The following AP5Z1 variants were observed in gnomAD, a reference collection of about 807,000 sequenced individuals.
AP5Z1 encodes AP-5 complex subunit zeta-1.
A neutral mutation model predicts 83.0 loss-of-function variants in AP5Z1; 106 were observed. That is an observed-to-expected ratio of 1.28 (90% CI 1.09 to 1.50). AP5Z1 has a LOEUF of 1.50. Among genes scored for constraint, AP5Z1 ranks in the 40% most tolerant of loss-of-function variants. The pLI is 0.00. For synonymous variants in AP5Z1, 751 were observed against 514.1 expected (o/e 1.46, Z -6.23); for missense variants, 1,565 against 1,094.2 (o/e 1.43, Z -6.07).
chr7:4,778,284 A>T (rs1410951519), intron 1 of AP5Z1, among the ~76,000 whole-genome samples: 1 of 152,202 alleles, frequency 6.6e-6, no homozygotes, highest in Non-Finnish European at 1.5e-5. Context: ...TGTCAGAGAT[A>T]CGGAAAGCAA....
Position 4,775,687 on chromosome 7 carries a change from G to T in AP5Z1, c.-29G>T, listed in dbSNP as rs1287466144. ...GGCTGCAGCTCCTGGAGTTTCCGAG[G>T]TTCGTGCGCGTCTGGTGGCGGCGGC... On this transcript the variant is annotated 5_prime_UTR_variant, in exon 1 of 17. Coordinates refer to ENST00000649063, the MANE Select transcript of AP5Z1 (RefSeq NM_014855.3). 1.2e-6 allele frequency: 2 copies of T among 1,606,486 alleles called. No homozygotes were observed. The highest frequency in any genetic ancestry group is 1.7e-6 in the Non-Finnish European group (2 of 1,179,692).
intron 14 of AP5Z1, 138 bp downstream of exon 14, chr7:4,790,067 C>T (rs1315929073): frequency 8.2e-7 from 1 of 1,223,960 alleles, no homozygotes; most frequent in African/African-American, 1.7e-5. Flanking sequence ...CCCTGCCACC[C>T]CCACCCACAG....
intron 11 of AP5Z1, 101 bp downstream of exon 11, chr7:4,787,877 C>G: frequency 4.4e-6 from 6 of 1,368,206 alleles, no homozygotes; most frequent in Middle Eastern, 2.6e-4. Flanking sequence ...CGGGGACCCT[C>G]CTTCTTCCCC....
chr7:4,790,304 T>TC (rs771771531), intron 14 of AP5Z1, 155 bp from the exon 15 acceptor site: 11 of 1,546,344 alleles, frequency 7.1e-6, no homozygotes, highest in East Asian at 2.4e-5. Flanking sequence ...GAGAACAGTT[T>TC]CTCTGAGGCT....
Position 4,790,531 on chromosome 7 carries a change from G to A in AP5Z1, c.1878G>A (p.Leu626=). 2 of 1,613,124 alleles carry A rather than the reference G, an allele frequency of 1.2e-6. No individual in the cohort carries two copies. The highest frequency in any genetic ancestry group is 1.7e-6 in the Non-Finnish European group (2 of 1,179,790). The change falls in exon 15 of 17, where the codon CTG becomes CTA. Residue 626 remains leucine, a synonymous_variant. Transcript: ENST00000649063. ...PSLVVELARD[L]LEFLGSVNGL... Reference sequence around the variant, plus strand: ...TGGTGGTGGAGCTGGCAAGAGACCTGCTGGAGTTCCTGGGCAGCGTGAATG... The same window carrying A: ...TGGTGGTGGAGCTGGCAAGAGACCTACTGGAGTTCCTGGGCAGCGTGAATG...
intron 15 of AP5Z1, 29 bp downstream of exon 15, chr7:4,790,620 G>C (rs762565838): frequency 1.9e-6 from 3 of 1,612,134 alleles, no homozygotes; most frequent in Non-Finnish European, 1.7e-6. Flanking sequence ...TCCCACAGCC[G>C]CTCCTGACCC....
At chr7:4,788,020 C>A in intron 11 of AP5Z1, 134 bp from the exon 12 acceptor site, 1 of 1,355,826 alleles carries the variant, frequency 7.4e-7, no homozygotes, top group Non-Finnish European at 9.7e-7. Context: ...AGGCCTGGAG[C>A]CTCCCATGCC....
intron 9 of AP5Z1, 100 bp downstream of exon 9, chr7:4,785,784 T>A: frequency 7.5e-7 from 1 of 1,325,134 alleles, no homozygotes. Context: ...TTTTTTTGAT[T>A]GAATAGAGAC....
Position 4,781,216 on chromosome 7 carries a change from T to C in AP5Z1, c.83T>C (p.Ile28Thr), listed in dbSNP as rs747982584. The change falls in exon 2 of 17, where the codon ATC becomes ACC. Residue 28 changes from isoleucine to threonine, a missense_variant. Coordinates refer to ENST00000649063, the MANE Select transcript of AP5Z1 (RefSeq NM_014855.3). Reference protein sequence around the residue: ...DEELKKFCSRICKLLQAEDLG... With the variant: ...DEELKKFCSRTCKLLQAEDLG... Reference sequence around the variant, plus strand: ...GAGCTGAAGAAGTTCTGTTCCCGGATCTGTAAACTGCTGCAGGCGGAGGAC... The same window carrying C: ...GAGCTGAAGAAGTTCTGTTCCCGGACCTGTAAACTGCTGCAGGCGGAGGAC... 3.7e-6 allele frequency: 6 copies of C among 1,613,970 alleles called. No homozygotes were observed. The highest frequency in any genetic ancestry group is 1.1e-5 in the South Asian group (1 of 91,084).
rs1781511966 is a variant in AP5Z1 at position 4,785,462 on chromosome 7, T to C, written c.969+10T>C. The stretch of plus-strand genomic sequence containing the variant: ...CGACCTGCAGAAAGCTGTAAGTGGC[T>C]GGGGACCAGGGGATGGGAGGCAGCG... On this transcript the variant is annotated intron_variant, in intron 8 of 16. Coordinates refer to ENST00000649063, the MANE Select transcript of AP5Z1 (RefSeq NM_014855.3). 2 of 1,613,156 alleles carry C rather than the reference T, an allele frequency of 1.2e-6. No individual in the cohort carries two copies. The highest frequency in any genetic ancestry group is 1.3e-5 in the African/African-American group (1 of 74,932).
intron 1 of AP5Z1, among the ~76,000 whole-genome samples, chr7:4,779,111 A>G (rs900682323): frequency 1.4e-5 from 2 of 146,624 alleles, no homozygotes; most frequent in African/African-American, 5.0e-5. Context: ...TATTATATAC[A>G]TTTTTGAGAT....
chr7:4,786,197 G>A (rs1427046872), intron 9 of AP5Z1, 53 bp from the exon 10 acceptor site: 27 of 1,513,988 alleles, frequency 1.8e-5, no homozygotes, highest in Non-Finnish European at 2.4e-5. Context: ...AGTCACAGAA[G>A]CACGGCCAGG....
rs1421330335 is a variant in AP5Z1 at position 4,788,893 on chromosome 7, C to T, written c.1649C>T (p.Ala550Val). The T allele has an allele frequency of 1.9e-6, 3 of 1,611,036 alleles. No individual in the cohort carries two copies. The East Asian group carries it at 6.7e-5, about 36-fold the overall frequency. The change falls in exon 13 of 17, where the codon GCC (alanine) becomes GTC (valine). Residue 550 changes from alanine (A) to valine (V), a missense_variant. By Grantham distance (64) the Ala-to-Val change is moderately conservative (BLOSUM62 0). Transcript: ENST00000649063. ...CCCATGGCCGGCTGTGCCCGCGTGG[C>T]CCAGTGTGCCCAGGCCGTGCCCACG... ...LQPMAGCARV[A>V]QCAQAVPTLL... is the part of the protein sequence containing the mutation.
In AP5Z1 at chr7:4,790,587, G is replaced by A. The variant is rs1781731076; in HGVS notation, c.1934G>A (p.Ser645Asn). Residue 645 changes from serine (S) to asparagine (N), a missense_variant, in exon 15 of 17, where the codon AGC becomes AAC. By Grantham distance (46) the Ser-to-Asn change is conservative. Coordinates refer to ENST00000649063, the MANE Select transcript of AP5Z1 (RefSeq NM_014855.3). ...TGCAGCAGGGCGAGCCTCGTCACCA[G>A]CGTGGTAAGGCGGGCGCTGGCCTCC... ...GLCSRASLVT[S>N]VVWAIGEYLS... 5.0e-6 allele frequency: 8 copies of A among 1,612,822 alleles called. No individual in the cohort carries two copies. Among genetic ancestry groups the A allele is most frequent in the Non-Finnish European group, 5.9e-6 (7 of 1,179,846 alleles).
rs1781205000 is a variant in AP5Z1, at chr7:4,775,685, A to C, written c.-31A>C. The C allele has an allele frequency of 1.2e-6, 2 of 1,606,062 alleles. No homozygotes were observed. Among genetic ancestry groups the C allele is most frequent in the Non-Finnish European group, 1.7e-6 (2 of 1,179,568 alleles). Reference sequence around the variant, plus strand: ...TGGGCTGCAGCTCCTGGAGTTTCCGAGGTTCGTGCGCGTCTGGTGGCGGCG... The same window carrying C: ...TGGGCTGCAGCTCCTGGAGTTTCCGCGGTTCGTGCGCGTCTGGTGGCGGCG... On this transcript the variant is annotated 5_prime_UTR_variant, in exon 1 of 17. Transcript: ENST00000649063.
chr7:4,776,765 A>C (rs1159211545), intron 1 of AP5Z1, among the ~76,000 whole-genome samples: 1 of 151,966 alleles, frequency 6.6e-6, no homozygotes, highest in Non-Finnish European at 1.5e-5. Flanking sequence ...TAAAGAAAAT[A>C]CAGCCAGCAC....
At chr7:4,781,998 G>C (rs552044836) in intron 3 of AP5Z1, among the ~76,000 whole-genome samples, 2 of 152,362 alleles carry the variant, frequency 1.3e-5, no homozygotes, top group East Asian at 1.9e-4. Context: ...TTCTCAGACA[G>C]AGCCTTGAGA....
At chr7:4,779,505 ACTCTGTCACCCAGG>A in intron 1 of AP5Z1, among the ~76,000 whole-genome samples, 1 of 149,934 alleles carries the variant, frequency 6.7e-6, no homozygotes, top group Non-Finnish European at 1.5e-5. Flanking sequence ...GTAGAGTCTT[ACTCTGTCACCCAGG>A]CTGGAGTGCA....
Position 4,788,887 on chromosome 7 carries a change from G to T in AP5Z1, c.1643G>T (p.Arg548Leu), listed in dbSNP as rs200224845. The change falls in exon 13 of 17, where the codon CGC (arginine) becomes CTC (leucine). Residue 548 changes from arginine to leucine, a missense_variant. Coordinates refer to ENST00000649063, the MANE Select transcript of AP5Z1 (RefSeq NM_014855.3). The stretch of plus-strand genomic sequence containing the variant: ...CTGCAGCCCATGGCCGGCTGTGCCC[G>T]CGTGGCCCAGTGTGCCCAGGCCGTG... The part of the protein sequence containing the change: ...QLLQPMAGCA[R>L]VAQCAQAVPT... 1.2e-6 allele frequency: 2 copies of T among 1,610,672 alleles called. No individual in the cohort carries two copies. The highest frequency in any genetic ancestry group is 1.1e-5 in the South Asian group (1 of 90,974).
Sources: allele counts gnomAD v4.1 joint callset (sites outside exome capture counted in the v4.1 genomes callset), GRCh38; gene constraint gnomAD v4.1.1; transcripts MANE v1.5; gene names NCBI Gene and HGNC (gene_info 2026-07-23, HGNC 2026-07-21).